FAM234B: variants seen among roughly 807,000 people sequenced by gnomAD.
The protein encoded by FAM234B is protein FAM234B.
FAM234B carries 33 observed loss-of-function variants against 69.3 expected under a neutral mutation model. That is an observed-to-expected ratio of 0.48 (90% CI 0.36 to 0.64). The LOEUF is 0.64. Among genes scored for constraint, FAM234B ranks in the 30% least tolerant of loss-of-function variants. FAM234B has a pLI of 0.00. For synonymous variants in FAM234B, 306 were observed against 306.9 expected, an observed-to-expected ratio of 1.00 and a Z score of 0.03; for missense variants, 697 against 769.7, an observed-to-expected ratio of 0.91 and a Z score of 1.12.
chr12:13,055,785 A>G lies in FAM234B; in HGVS notation c.272A>G (p.Glu91Gly). 1 of 1,614,172 alleles carries G rather than the reference A, an allele frequency of 6.2e-7. No individual in the cohort carries two copies. Among genetic ancestry groups the G allele is most frequent in the Non-Finnish European group, 8.5e-7 (1 of 1,180,008 alleles). The change falls in exon 2 of 13, where the codon GAA (glutamate) becomes GGA (glycine). Residue 91 changes from glutamate to glycine, a missense_variant. Glu to Gly is a moderately conservative substitution (Grantham distance 98, BLOSUM62 -2). This residue lies in a region of FAM234B where 380 missense variants were observed against 447.1 expected (regional missense o/e 0.85). Transcript: ENST00000197268. ...CCCTCAGAACCCCTTGGGGGCCTGG[A>G]ACAGAAGGCGGCCTCCTCCCTGGTG... The part of the protein sequence containing the change: ...GYPSEPLGGL[E>G]QKAASSLVSY...
At position 13,055,621 on chromosome 12, in the gene FAM234B, T is replaced by C; in HGVS notation, c.108T>C (p.Asp36=). The change falls in exon 2 of 13, where the codon GAT becomes GAC. Residue 36 remains aspartate, a synonymous_variant. Transcript: ENST00000197268. ...TQADSDESED[D]LVLNLQKNGG... ...CTGACAGTGATGAGAGCGAAGACGA[T>C]CTGGTGCTTAACCTGCAGAAGAATG... 3 of 1,614,176 alleles carry C rather than the reference T, an allele frequency of 1.9e-6. 1 individual carries two copies. In the South Asian group the frequency reaches 3.3e-5, roughly 18 times the overall value.
chr12:13,068,470 T>C, intron 8 of FAM234B, 23 bp downstream of exon 8: 7 of 1,610,786 alleles, frequency 4.3e-6, no homozygotes, highest in Non-Finnish European at 5.9e-6. Context: ...TTCCTTCTTG[T>C]GTTTGCTGTT....
intron 3 of FAM234B, among the ~76,000 whole-genome samples, chr12:13,060,218 G>C (rs1338380904): frequency 6.6e-6 from 1 of 152,198 alleles, no homozygotes; most frequent in Admixed American, 6.5e-5. Flanking sequence ...TCATGTCCTT[G>C]ACCCTCATGC....
In FAM234B at chr12:13,067,074, C is replaced by G; in HGVS notation, c.1001-81C>G. ...TCTGTTAGACCCATCTGGTCAGGCT[C>G]TGTGTCTCTTGCTCAGATCCTCACC... On this transcript the variant is annotated intron_variant, in intron 6 of 12. Transcript: ENST00000197268. This position sits in a 1 kb window ranked among gnomAD's most constrained non-coding sequence, Gnocchi z 4.7. 3.9e-6 allele frequency: 6 copies of G among 1,539,480 alleles called. No individual in the cohort carries two copies. In the Admixed American group the frequency reaches 1.0e-4, roughly 26 times the overall value.
intron 1 of FAM234B, among the ~76,000 whole-genome samples, chr12:13,053,614 C>T (rs1864898353): frequency 6.6e-6 from 1 of 152,064 alleles, no homozygotes; most frequent in Admixed American, 6.5e-5. Context: ...TCACGTGCTT[C>T]AAAGGGCAAT....
chr12:13,067,101 T>C lies in FAM234B; in HGVS notation c.1001-54T>C. ...GTGTCTCTTGCTCAGATCCTCACCA[T>C]GGGACAGTTCTGTTAAATTCAACTT... On this transcript the variant is annotated intron_variant, in intron 6 of 12. Coordinates refer to ENST00000197268, the MANE Select transcript of FAM234B (RefSeq NM_020853.2). This position sits in a 1 kb window ranked among gnomAD's most constrained non-coding sequence, Gnocchi z 4.7. The C allele has an allele frequency of 1.2e-6, 2 of 1,605,510 alleles. No individual in the cohort carries two copies. The highest frequency in any genetic ancestry group is 2.2e-5 in the East Asian group (1 of 44,836).
chr12:13,067,270 C>T lies in FAM234B; in HGVS notation c.1116C>T (p.Asn372=), dbSNP rs191699676. Residue 372 remains asparagine, a synonymous_variant, in exon 7 of 13, where the codon AAC becomes AAT. Coordinates refer to ENST00000197268, the MANE Select transcript of FAM234B (RefSeq NM_020853.2). This position sits in a 1 kb window ranked among gnomAD's most constrained non-coding sequence, Gnocchi z 4.7. ...AATGGGAAAAGCGAAGATCCATCAA[C>T]CTGTCTGAGCTCATTGATGTTTACA... The part of the protein sequence containing the change: ...EPEWEKRRSI[N]LSELIDVYSD... The T allele has an allele frequency of 2.5e-6, 4 of 1,613,988 alleles. No homozygotes were observed. The highest frequency in any genetic ancestry group is 4.5e-5 in the East Asian group (2 of 44,882).
chr12:13,069,098 G>A (rs1322181187), intron 9 of FAM234B, among the ~76,000 whole-genome samples: 1 of 152,184 alleles, frequency 6.6e-6, no homozygotes, highest in Non-Finnish European at 1.5e-5. Flanking sequence ...ACCTTATAAA[G>A]GAGGGAAATA....
At chr12:13,053,590 G>T (rs1446839640) in intron 1 of FAM234B, among the ~76,000 whole-genome samples, 1 of 152,152 alleles carries the variant, frequency 6.6e-6, no homozygotes, top group Non-Finnish European at 1.5e-5. Flanking sequence ...GGAACAGGGA[G>T]TAGGTCACAA....
chr12:13,069,058 A>G (rs761833371), intron 9 of FAM234B, among the ~76,000 whole-genome samples: 6 of 152,186 alleles, frequency 3.9e-5, no homozygotes, highest in Non-Finnish European at 5.9e-5. Context: ...GATTTCAGAG[A>G]AGTCTGTGGT....
At position 13,067,284 on chromosome 12, in the gene FAM234B, T is replaced by C. The variant is rs746992165; in HGVS notation, c.1130T>C (p.Ile377Thr). 2 of 1,613,946 alleles carry C rather than the reference T, an allele frequency of 1.2e-6. No individual in the cohort carries two copies. The highest frequency in any genetic ancestry group is 1.1e-5 in the South Asian group (1 of 91,056). Residue 377 changes from isoleucine (I) to threonine (T), a missense_variant, in exon 7 of 13, where the codon ATT (isoleucine) becomes ACT (threonine). Ile to Thr is a moderately conservative substitution (Grantham distance 89). This residue lies in a region of FAM234B where 313 missense variants were observed against 305.5 expected (regional missense o/e 1.02). Coordinates refer to ENST00000197268, the MANE Select transcript of FAM234B (RefSeq NM_020853.2). The surrounding 1 kb of genome is among the most constrained non-coding windows in gnomAD (Gnocchi z 4.7). ...AGATCCATCAACCTGTCTGAGCTCA[T>C]TGATGTTTACAGGTAGGGCAGACGT... ...KRRSINLSELIDVYSDGVELL... is the reference protein window; with the variant it reads ...KRRSINLSELTDVYSDGVELL...
rs1865052689 is a variant in FAM234B at position 13,067,424 on chromosome 12, T to G, written c.1142+128T>G. On this transcript the variant is annotated intron_variant, in intron 7 of 12. Transcript: ENST00000197268. This position sits in a 1 kb window ranked among gnomAD's most constrained non-coding sequence, Gnocchi z 4.7. ...TTAGGGGAAACAGTGCTTATCTTAA[T>G]TTACCATCTTCTGATCTGGTTAACA... The G allele has an allele frequency of 3.8e-5, 36 of 947,766 alleles. 1 individual carries two copies. The South Asian group carries it at 5.5e-4, about 14-fold the overall frequency. 58.7% of individuals were successfully genotyped at this position (947,766 alleles called of 1,614,324 possible).
intron 1 of FAM234B, among the ~76,000 whole-genome samples, chr12:13,046,080 CT>C (rs1864807764): frequency 6.6e-6 from 1 of 152,062 alleles, no homozygotes; most frequent in Non-Finnish European, 1.5e-5. Context: ...ATGCTTGATG[CT>C]TTTTTAGGCC....
intron 1 of FAM234B, among the ~76,000 whole-genome samples, chr12:13,051,106 C>A (rs888601190): frequency 1.3e-5 from 2 of 152,156 alleles, no homozygotes; most frequent in Admixed American, 6.6e-5. Flanking sequence ...GACAGAAATG[C>A]CCACTTTTGC....
chr12:13,068,759 C>A (rs1865069799), intron 9 of FAM234B, 48 bp downstream of exon 9: 1 of 1,282,840 alleles, frequency 7.8e-7, no homozygotes, highest in Non-Finnish European at 1.1e-6. Flanking sequence ...AAAGTATATA[C>A]TTTGTGTCCA....
At chr12:13,046,897 A>T (rs1015409389) in intron 1 of FAM234B, among the ~76,000 whole-genome samples, 1 of 152,234 alleles carries the variant, frequency 6.6e-6, no homozygotes, top group African/African-American at 2.4e-5. Flanking sequence ...CTCATCTGTA[A>T]CAATAACATT....
Position 13,076,050 on chromosome 12 carries a change from C to G in FAM234B, c.1549C>G (p.Pro517Ala), listed in dbSNP as rs911715312. 1.9e-6 allele frequency: 3 copies of G among 1,613,968 alleles called. No homozygotes were observed. The African/African-American group carries it at 4.0e-5, about 22-fold the overall frequency. The change falls in exon 11 of 13, where the codon CCC becomes GCC. Residue 517 changes from proline to alanine, a missense_variant. This residue lies in a region of FAM234B where 313 missense variants were observed against 305.5 expected (regional missense o/e 1.02). Transcript: ENST00000197268. The part of the protein sequence containing the change: ...NSDIILGTEP[P>A]SLHHLYLLHP... The stretch of plus-strand genomic sequence containing the variant: ...GGATATCATCCTAGGAACTGAGCCG[C>G]CCAGCCTTCACCACCTTTACCTCCT...
chr12:13,067,345 A>C lies in FAM234B; in HGVS notation c.1142+49A>C. 4 of 1,604,776 alleles carry C rather than the reference A, an allele frequency of 2.5e-6. No homozygotes were observed. The highest frequency in any genetic ancestry group is 3.4e-6 in the Non-Finnish European group (4 of 1,172,494). On this transcript the variant is annotated intron_variant, in intron 7 of 12. Coordinates refer to ENST00000197268, the MANE Select transcript of FAM234B (RefSeq NM_020853.2). This position sits in a 1 kb window ranked among gnomAD's most constrained non-coding sequence, Gnocchi z 4.7. Reference sequence around the variant, plus strand: ...TCACAGTGAGATCTCTTGTGAACTCACATGCCTTTGAGTCTCTAAGTTTGG... The same window carrying C: ...TCACAGTGAGATCTCTTGTGAACTCCCATGCCTTTGAGTCTCTAAGTTTGG...
At chr12:13,048,557 G>C (rs910828994) in intron 1 of FAM234B, among the ~76,000 whole-genome samples, 1 of 144,688 alleles carries the variant, frequency 6.9e-6, no homozygotes, top group Non-Finnish European at 1.5e-5. Flanking sequence ...TATCCTCTTC[G>C]GTCATGCATA....
Sources: gnomAD v4.1 joint callset for allele counts (sites outside exome capture counted in the v4.1 genomes callset) on GRCh38, gnomAD v4.1.1 for gene constraint, gnomAD v4.1.1 regional missense constraint, Gnocchi (gnomAD v3.1) non-coding constraint, MANE v1.5 for transcripts, NCBI Gene and HGNC (gene_info 2026-07-23, HGNC 2026-07-21) for gene names.